The following ELAVL4 variants were observed in gnomAD, a reference collection of about 807,000 sequenced individuals.
The protein encoded by ELAVL4 is ELAV like RNA binding protein 4, also known as ELAV-like protein 4.
Under a neutral mutation model 35.6 loss-of-function variants are expected in ELAVL4, and 1 was observed. The observed-to-expected ratio is 0.03, with a 90% confidence interval of 0.01 to 0.13. The LOEUF (loss-of-function observed/expected upper bound fraction) is 0.13. Among genes scored for constraint, ELAVL4 ranks in the 10% least tolerant of loss-of-function variants. The pLI is 1.00. For synonymous variants in ELAVL4, 156 were observed against 171.0 expected (o/e 0.91, Z 0.69); for missense variants, 267 against 464.9 (o/e 0.57, Z 3.91).
chr1:50,102,111 C>A (rs1055994014), upstream of ELAVL4, among the ~76,000 whole-genome samples: 1 of 152,120 alleles, frequency 6.6e-6, no homozygotes, highest in Admixed American at 6.5e-5. Flanking sequence ...CACGGTGAAA[C>A]CCTGCCTCTA....
chr1:50,069,926 T>G (rs1223862299), intron 1 of ELAVL4, among the ~76,000 whole-genome samples: 1 of 152,212 alleles, frequency 6.6e-6, no homozygotes, highest in Non-Finnish European at 1.5e-5. Context: ...ACCTAAGTAT[T>G]GTAAACATTT....
intron 1 of ELAVL4, among the ~76,000 whole-genome samples, chr1:50,057,468 G>C (rs1663738595): frequency 6.6e-6 from 1 of 152,100 alleles, no homozygotes; most frequent in Non-Finnish European, 1.5e-5. Flanking sequence ...TATTCACTCA[G>C]CACTCATTCA....
chr1:50,184,512 T>TTATG (rs1681533748), intron 3 of ELAVL4, among the ~76,000 whole-genome samples: 1 of 152,168 alleles, frequency 6.6e-6, no homozygotes, highest in South Asian at 2.1e-4. Flanking sequence ...TCCTAGTGTC[T>TTATG]TATGTCCCAT....
intron 1 of ELAVL4, among the ~76,000 whole-genome samples, chr1:50,059,726 T>TATG (rs2148475907): frequency 6.6e-6 from 1 of 151,852 alleles, no homozygotes; most frequent in East Asian, 1.9e-4. Context: ...CATGAATGGA[T>TATG]GAATGCATAA....
At chr1:50,143,491 C>T (rs1333178852) in intron 1 of ELAVL4, among the ~76,000 whole-genome samples, 1 of 152,162 alleles carries the variant, frequency 6.6e-6, no homozygotes, top group Non-Finnish European at 1.5e-5. Flanking sequence ...GTGCCCACCA[C>T]TGTTCTGGTG....
At chr1:50,078,703 C>G (rs1319530052) in intron 1 of ELAVL4, among the ~76,000 whole-genome samples, 1 of 152,154 alleles carries the variant, frequency 6.6e-6, no homozygotes, top group African/African-American at 2.4e-5. Context: ...TGATCTGTGG[C>G]AGAGGTAGAG....
At chr1:50,059,628 T>C (rs1035050134) in intron 1 of ELAVL4, among the ~76,000 whole-genome samples, 3 of 151,978 alleles carry the variant, frequency 2.0e-5, no homozygotes, top group African/African-American at 7.2e-5. Flanking sequence ...CCCAAAGGAA[T>C]AGAAAACAAG....
In ELAVL4 at chr1:50,197,501, T is replaced by C. The variant is rs772953806; in HGVS notation, c.773+34T>C. 33 of 1,536,628 alleles carry C rather than the reference T, an allele frequency of 2.1e-5. No individual in the cohort carries two copies. In the South Asian group the frequency reaches 4.0e-4, roughly 19 times the overall value. ...AACTCCACAGATTGCCAGATGTCCA[T>C]GTTGGCACAGACTGGGGCTAGAATT... On this transcript the variant is annotated intron_variant, in intron 6 of 6. Coordinates refer to ENST00000371824, the MANE Select transcript of ELAVL4 (RefSeq NM_001144774.3).
chr1:50,080,857 G>A (rs1259362576), intron 1 of ELAVL4, among the ~76,000 whole-genome samples: 1 of 152,166 alleles, frequency 6.6e-6, no homozygotes, highest in East Asian at 1.9e-4. Context: ...ACTAGTTGGA[G>A]GGGTGAGAAG....
chr1:50,190,668 C>T (rs1304753082), intron 3 of ELAVL4, among the ~76,000 whole-genome samples: 1 of 152,194 alleles, frequency 6.6e-6, no homozygotes, highest in East Asian at 1.9e-4. Context: ...GAGATTCTAC[C>T]TATGTTGGAA....
intron 2 of ELAVL4, among the ~76,000 whole-genome samples, chr1:50,147,022 CTT>C (rs1488138085): frequency 6.6e-6 from 1 of 151,988 alleles, no homozygotes; most frequent in East Asian, 1.9e-4. Context: ...CGAAGACAGC[CTT>C]TAATTTGGTA....
At chr1:50,143,218 G>T (rs902642871) in intron 1 of ELAVL4, among the ~76,000 whole-genome samples, 1 of 152,112 alleles carries the variant, frequency 6.6e-6, no homozygotes, top group Admixed American at 6.6e-5. Flanking sequence ...CATTCTTTGT[G>T]TTGTACCCTT....
upstream of ELAVL4, chr1:50,106,490 T>A: frequency 1.1e-6 from 1 of 895,432 alleles, no homozygotes; most frequent in Non-Finnish European, 1.8e-6. Context: ...CTTTCTGTGG[T>A]GGTGGATTGT....
chr1:50,123,359 A>G (rs528766957), intron 1 of ELAVL4, among the ~76,000 whole-genome samples: 4 of 152,164 alleles, frequency 2.6e-5, no homozygotes, highest in Admixed American at 2.0e-4. Context: ...AGTTGAATTT[A>G]AAACAACTTT....
chr1:50,148,886 G>A (rs1674219298), intron 2 of ELAVL4, among the ~76,000 whole-genome samples: 1 of 152,094 alleles, frequency 6.6e-6, no homozygotes, highest in African/African-American at 2.4e-5. Context: ...TGTAAACATT[G>A]AGATTGCCTT....
chr1:50,099,862 G>A (rs1250491930), upstream of ELAVL4, among the ~76,000 whole-genome samples: 1 of 152,114 alleles, frequency 6.6e-6, no homozygotes. Flanking sequence ...TAGGACCAAG[G>A]TTCTGTTATC....
At chr1:50,125,089 T>G (rs1304772794) in intron 1 of ELAVL4, among the ~76,000 whole-genome samples, 1 of 151,814 alleles carries the variant, frequency 6.6e-6, no homozygotes, top group Non-Finnish European at 1.5e-5. Context: ...AAGTAGTAAG[T>G]AGAACATGGC....
intron 1 of ELAVL4, among the ~76,000 whole-genome samples, chr1:50,082,365 C>T (rs1174296980): frequency 7.9e-5 from 12 of 152,090 alleles, no homozygotes; most frequent in Admixed American, 5.9e-4. Context: ...TTTTAAAGAT[C>T]GCCATTCTAA....
At chr1:50,048,424 C>T (rs1396123596) in intron 1 of ELAVL4, among the ~76,000 whole-genome samples, 1 of 152,188 alleles carries the variant, frequency 6.6e-6, no homozygotes, top group Non-Finnish European at 1.5e-5. Flanking sequence ...GTCAGGGTCA[C>T]ACCCCTGCCG....
Sources: gnomAD v4.1 joint callset for allele counts (sites outside exome capture counted in the v4.1 genomes callset) on GRCh38, gnomAD v4.1.1 for gene constraint, MANE v1.5 for transcripts, NCBI Gene and HGNC (gene_info 2026-07-23, HGNC 2026-07-21) for gene names.